BAZ2B: variants seen among roughly 807,000 people sequenced by gnomAD.
BAZ2B encodes the protein bromodomain adjacent to zinc finger domain protein 2B.
Under a neutral mutation model 246.0 loss-of-function variants are expected in BAZ2B, and 91 were observed. That is an observed-to-expected ratio of 0.37 (90% CI 0.31 to 0.44). The LOEUF (loss-of-function observed/expected upper bound fraction) is 0.44. Among genes scored for constraint, BAZ2B ranks in the 20% least tolerant of loss-of-function variants. The probability of loss-of-function intolerance (pLI) is 1.00; values close to 1 mark genes in which losing one functional copy is unlikely to be tolerated. For synonymous variants in BAZ2B, 855 were observed against 860.0 expected (o/e 0.99, Z 0.10); for missense variants, 2,332 against 2,533.7 (o/e 0.92, Z 1.71).
At chr2:159,324,240 A>T (rs1298292263) in intron 36 of BAZ2B, among the ~76,000 whole-genome samples, 1 of 152,216 alleles carries the variant, frequency 6.6e-6, no homozygotes, top group Non-Finnish European at 1.5e-5. Context: ...ATAGGATTGC[A>T]AAGAGAATAT....
At chr2:159,640,382 C>T in the BAZ2B span, among the ~76,000 whole-genome samples, 1 of 152,046 alleles carries the variant, frequency 6.6e-6, no homozygotes, top group African/African-American at 2.4e-5. Flanking sequence ...TTTCATGCAA[C>T]AGCTGCAGAA....
At chr2:159,464,152 A>G (rs1439754825) in intron 3 of BAZ2B, 1 of 152,222 alleles carries the variant, frequency 6.6e-6, no homozygotes, top group Non-Finnish European at 1.5e-5. Flanking sequence ...TTCCAAACTA[A>G]GAAATTAACC....
At chr2:159,332,726 C>A in intron 33 of BAZ2B, 40 bp from the exon 34 acceptor site, 1 of 1,603,104 alleles carries the variant, frequency 6.2e-7, no homozygotes, top group South Asian at 1.1e-5. Flanking sequence ...AACGCTCTGC[C>A]ATGAATAATA....
chr2:159,331,750 T>C (rs1234008966), intron 34 of BAZ2B, among the ~76,000 whole-genome samples: 2 of 152,092 alleles, frequency 1.3e-5, no homozygotes, highest in Non-Finnish European at 2.9e-5. Flanking sequence ...GCTAGAGAAA[T>C]CAGAGAATTG....
At chr2:159,336,807 T>C (rs2065748754) in intron 33 of BAZ2B, 135 bp downstream of exon 33, 9 of 747,006 alleles carry the variant, frequency 1.2e-5, no homozygotes, top group Non-Finnish European at 1.7e-5. Flanking sequence ...AAAAATCTTT[T>C]AGAATTAGAA....
chr2:159,316,714 A>AAAAAAAAG (rs2062167831), downstream of BAZ2B, among the ~76,000 whole-genome samples: 1 of 149,684 alleles, frequency 6.7e-6, no homozygotes, highest in Non-Finnish European at 1.5e-5. Context: ...AAAAAAAAAA[A>AAAAAAAAG]AAAGAAAGAA....
chr2:159,441,736 A>G (rs2073434756), intron 6 of BAZ2B, among the ~76,000 whole-genome samples: 1 of 152,046 alleles, frequency 6.6e-6, no homozygotes, highest in African/African-American at 2.4e-5. Flanking sequence ...TGCAGCCTTG[A>G]ACTCCTGGGC....
chr2:159,334,998 C>T (rs866726984), intron 33 of BAZ2B, among the ~76,000 whole-genome samples: 14 of 151,988 alleles, frequency 9.2e-5, no homozygotes, highest in Middle Eastern at 3.2e-3. Context: ...ACTACAGCCT[C>T]GAACTCTTGG....
chr2:159,404,702 A>T (rs2065623993), intron 16 of BAZ2B, 147 bp downstream of exon 16: 1 of 660,500 alleles, frequency 1.5e-6, no homozygotes, highest in Non-Finnish European at 2.4e-6. Flanking sequence ...TAAAATTTTA[A>T]TTAATAGAAG....
chr2:159,478,481 A>T, intron 3 of BAZ2B, 94 bp downstream of exon 3: 1 of 1,355,814 alleles, frequency 7.4e-7, no homozygotes, highest in Non-Finnish European at 9.9e-7. Context: ...GGTCAATGCA[A>T]GTCATGAGAA....
At chr2:159,648,398 A>G in the BAZ2B span, among the ~76,000 whole-genome samples, 1 of 152,072 alleles carries the variant, frequency 6.6e-6, no homozygotes, top group Non-Finnish European at 1.5e-5. Flanking sequence ...TCAGCCTCCC[A>G]AAGTGCTGGG....
chr2:159,374,695 C>T lies in BAZ2B; in HGVS notation c.4064G>A (p.Ser1355Asn), dbSNP rs2149427953. 1.2e-6 allele frequency: 2 copies of T among 1,611,606 alleles called. No homozygotes were observed. Among genetic ancestry groups the T allele is most frequent in the Non-Finnish European group, 1.7e-6 (2 of 1,178,072 alleles). The change falls in exon 26 of 37, where the codon AGT (serine) becomes AAT (asparagine). Residue 1355 changes from serine to asparagine, a missense_variant. Transcript: ENST00000392783. ...GTTAATCAGAAAAGTGCTTACTTTA[C>T]TCAGTTTTTCAATCTGTTTTTCCAG... ...EELEKQIEKL[S>N]KQQSQYRRKL...
At position 159,446,882 on chromosome 2, in the gene BAZ2B, T is replaced by C; in HGVS notation, c.596A>G (p.Gln199Arg). ...TCCACCTGAGCTTGTACTTTTAGTTTGTCCCATGGAACTTGAAGCAGTAGT... is the reference window on the plus strand; with the variant it reads ...TCCACCTGAGCTTGTACTTTTAGTTCGTCCCATGGAACTTGAAGCAGTAGT... ...LSTTASSSMG[Q>R]TKSTSSGGGN... The change falls in exon 6 of 37, where the codon CAA (glutamine) becomes CGA (arginine). Residue 199 changes from glutamine (Q) to arginine (R), a missense_variant. Around this residue, in one of 9 missense-constraint regions of BAZ2B, gnomAD observed 242 missense variants for 237.4 expected, o/e 1.02. Coordinates refer to ENST00000392783, the MANE Select transcript of BAZ2B (RefSeq NM_013450.4). 6.2e-7 allele frequency: 1 copy of C among 1,613,844 alleles called. No individual in the cohort carries two copies. The highest frequency in any genetic ancestry group is 8.5e-7 in the Non-Finnish European group (1 of 1,179,852).
the BAZ2B span, among the ~76,000 whole-genome samples, chr2:159,628,215 A>G: frequency 6.6e-6 from 1 of 152,240 alleles, no homozygotes. Flanking sequence ...GGATAGGAAG[A>G]GTCAATATTG....
chr2:159,415,690 G>A (rs1350481796), intron 13 of BAZ2B, among the ~76,000 whole-genome samples: 1 of 152,120 alleles, frequency 6.6e-6, no homozygotes, highest in Non-Finnish European at 1.5e-5. Context: ...TTTTGGTTGA[G>A]TCACTAGAAG....
intron 2 of BAZ2B, among the ~76,000 whole-genome samples, chr2:159,490,424 G>C (rs1003310138): frequency 6.6e-6 from 1 of 152,086 alleles, no homozygotes; most frequent in South Asian, 2.1e-4. Context: ...CCAAATCTTA[G>C]TATTATGGTT....
At chr2:159,631,964 A>G in the BAZ2B span, among the ~76,000 whole-genome samples, 1 of 152,168 alleles carries the variant, frequency 6.6e-6, no homozygotes, top group African/African-American at 2.4e-5. Flanking sequence ...AAATTTAAAG[A>G]TCTCATTGTC....
At chr2:159,600,250 TG>T (rs1419370460) in intron 1 of BAZ2B, among the ~76,000 whole-genome samples, 1 of 152,110 alleles carries the variant, frequency 6.6e-6, no homozygotes, top group Non-Finnish European at 1.5e-5. Context: ...ACCGGCCTTT[TG>T]GGGGTGATCA....
intron 2 of BAZ2B, among the ~76,000 whole-genome samples, chr2:159,513,354 C>G (rs1213328034): frequency 6.6e-6 from 1 of 152,166 alleles, no homozygotes; most frequent in Non-Finnish European, 1.5e-5. Flanking sequence ...CAAATGCTCT[C>G]AAATTTCACT....
Sources: gnomAD v4.1 joint callset for allele counts (sites outside exome capture counted in the v4.1 genomes callset) on GRCh38, gnomAD v4.1.1 for gene constraint, gnomAD v4.1.1 regional missense constraint, MANE v1.5 for transcripts, NCBI Gene and HGNC (gene_info 2026-07-23, HGNC 2026-07-21) for gene names.